Variants in HPSE observed in about 807,000 individuals in gnomAD.
HPSE encodes the protein heparanase, also known as endo-glucoronidase.
In HPSE, 48 loss-of-function variants were observed where a neutral mutation model predicts 65.1. The observed-to-expected ratio is 0.74, with a 90% CI of 0.58 to 0.94. The LOEUF (loss-of-function observed/expected upper bound fraction) is 0.94, where lower values mean the gene tolerates loss of function less well. HPSE is among the 40% of genes least tolerant of loss of function. HPSE has a pLI of 0.00. For synonymous variants in HPSE, 243 were observed against 260.0 expected (o/e 0.93, Z 0.63); for missense variants, 644 against 637.5 (o/e 1.01, Z -0.11).
Position 83,292,659 on chromosome 4 carries a change from T to C in HPSE, c.*2685A>G, listed in dbSNP as rs1267566449. On this transcript the variant is annotated 3_prime_UTR_variant, in exon 12 of 12. Transcript: ENST00000311412. The stretch of plus-strand genomic sequence containing the variant: ...GTGGATAAAGAAAATGTGGTATATA[T>C]GTACCATGGACTATTACTCAGCCAT... 1.3e-5 allele frequency: 2 copies of C among 152,224 alleles called. No homozygotes were observed. The highest frequency in any genetic ancestry group is 1.9e-4 in the East Asian group (1 of 5,204). 9.4% of individuals were successfully genotyped at this position (152,224 alleles called of 1,614,324 possible). A position where few individuals can be genotyped will look rare whatever the true frequency, so the allele number is the denominator to read the frequency against.
intron 9 of HPSE, among the ~76,000 whole-genome samples, chr4:83,304,151 G>A (rs1736065259): frequency 6.6e-6 from 1 of 152,138 alleles, no homozygotes; most frequent in African/African-American, 2.4e-5. Flanking sequence ...CAAGAGACAT[G>A]ACAAAGGAAA....
chr4:83,298,824 G>A (rs759849705), intron 11 of HPSE, among the ~76,000 whole-genome samples: 5 of 152,036 alleles, frequency 3.3e-5, no homozygotes, highest in African/African-American at 4.8e-5. Context: ...TGAGACCCCC[G>A]CCTCAAAAAT....
At chr4:83,309,256 G>T in intron 7 of HPSE, 146 bp downstream of exon 7, 1 of 613,078 alleles carries the variant, frequency 1.6e-6, no homozygotes, top group South Asian at 2.2e-5. Context: ...CAATGCTAAG[G>T]GGAAAACTAA....
chr4:83,302,326 T>C lies in HPSE; in HGVS notation c.1207-58A>G, dbSNP rs952978132. ...AATAGATGTTTACTTATGTCCTTAT[T>C]TAATGAAACCAGTGGCAAGCAAATA... On this transcript the variant is annotated intron_variant, in intron 9 of 11. Coordinates refer to ENST00000311412, the MANE Select transcript of HPSE (RefSeq NM_001098540.3). 6 of 1,071,712 alleles carry C rather than the reference T, an allele frequency of 5.6e-6. No individual in the cohort carries two copies. The Admixed American group carries it at 1.1e-4, about 19-fold the overall frequency. The allele number at this position is 1,071,712 out of a possible 1,614,324, so 66.4% of individuals were successfully genotyped here. A position where few individuals can be genotyped will look rare whatever the true frequency, so the allele number is the denominator to read the frequency against.
At chr4:83,302,565 A>C (rs1235066470) in intron 9 of HPSE, among the ~76,000 whole-genome samples, 1 of 152,226 alleles carries the variant, frequency 6.6e-6, no homozygotes, top group African/African-American at 2.4e-5. Context: ...GTTATCGTTC[A>C]TCCAAGAATT....
chr4:83,321,466 AT>A (rs1304595868), intron 2 of HPSE, among the ~76,000 whole-genome samples: 1 of 152,066 alleles, frequency 6.6e-6, no homozygotes, highest in Non-Finnish European at 1.5e-5. Flanking sequence ...TATTTTCAGT[AT>A]TTTTTTCTCT....
At chr4:83,299,364 A>AG (rs1560503329) in intron 11 of HPSE, among the ~76,000 whole-genome samples, 97 of 2,690 alleles carry the variant, frequency 0.036, 18 homozygotes, top group Non-Finnish European at 0.14. Context: ...ACTCTGTCTC[A>AG]AAAAAAAAAA....
intron 10 of HPSE, 80 bp from the exon 11 acceptor site, chr4:83,301,186 AG>A: frequency 5.8e-6 from 5 of 864,462 alleles, no homozygotes; most frequent in Non-Finnish European, 8.8e-6. Context: ...TGTGATCCTA[AG>A]TATTAGTATC....
chr4:83,306,357 A>G, intron 8 of HPSE, 40 bp from the exon 9 acceptor site: 3 of 1,022,834 alleles, frequency 2.9e-6, no homozygotes, highest in Non-Finnish European at 4.6e-6. Context: ...AGGTTTGGAA[A>G]CAAAATCGCT....
chr4:83,319,527 G>A (rs12501124), intron 2 of HPSE, 58 bp from the exon 3 acceptor site: 7 of 1,542,364 alleles, frequency 4.5e-6, no homozygotes, highest in East Asian at 4.5e-5. Context: ...GACTGAAATC[G>A]CATATATTTA....
intron 3 of HPSE, among the ~76,000 whole-genome samples, chr4:83,318,352 T>C (rs1023369739): frequency 4.0e-5 from 6 of 151,448 alleles, no homozygotes; most frequent in African/African-American, 1.5e-4. Context: ...TGGCCAGGAG[T>C]GGTGGCTCAC....
chr4:83,300,369 G>A (rs1015600132), intron 11 of HPSE, among the ~76,000 whole-genome samples: 1 of 152,218 alleles, frequency 6.6e-6, no homozygotes, highest in African/African-American at 2.4e-5. Flanking sequence ...GTGTTACCAA[G>A]AATTATGTCT....
intron 1 of HPSE, among the ~76,000 whole-genome samples, chr4:83,330,185 T>C (rs1158736644): frequency 6.6e-6 from 1 of 152,182 alleles, no homozygotes; most frequent in African/African-American, 2.4e-5. Context: ...GAAGCCAGAC[T>C]GGAGAACAGG....
intron 11 of HPSE, among the ~76,000 whole-genome samples, chr4:83,297,120 G>A (rs564562915): frequency 2.0e-5 from 3 of 152,140 alleles, no homozygotes; most frequent in Admixed American, 6.5e-5. Context: ...ATGATAGCTT[G>A]CCATTGTGTT....
Position 83,334,823 on chromosome 4 carries a change from A to G in HPSE, c.-41T>C. 2 of 1,478,752 alleles carry G rather than the reference A, an allele frequency of 1.4e-6. No homozygotes were observed. Among genetic ancestry groups the G allele is most frequent in the Non-Finnish European group, 1.8e-6 (2 of 1,116,592 alleles). The allele number at this position is 1,478,752 out of a possible 1,614,324, so 91.6% of individuals were successfully genotyped here. A position where few individuals can be genotyped will look rare whatever the true frequency, so the allele number is the denominator to read the frequency against. On this transcript the variant is annotated 5_prime_UTR_variant, in exon 1 of 12. Transcript: ENST00000311412. ...CTGCTCCCCCCGCCAGCTGCCGCGC[A>G]GCGGAGAGTCGAGAGCTCTAGCACT...
In HPSE at chr4:83,292,953, C is replaced by T. The variant is rs1448861490; in HGVS notation, c.*2391G>A. On this transcript the variant is annotated 3_prime_UTR_variant, in exon 12 of 12. Transcript: ENST00000311412. ...ACAAGTACATTAAAAGCCGAGTCTT[C>T]ACCACTACACAATTCACCCCTGTAA... 6.6e-6 allele frequency: 1 copy of T among 152,200 alleles called. No individual in the cohort carries two copies. The highest frequency in any genetic ancestry group is 1.5e-5 in the Non-Finnish European group (1 of 68,028). The allele number at this position is 152,200 out of a possible 1,614,324, so 9.4% of individuals were successfully genotyped here. A position where few individuals can be genotyped will look rare whatever the true frequency, so the allele number is the denominator to read the frequency against.
intron 9 of HPSE, among the ~76,000 whole-genome samples, chr4:83,304,856 G>A (rs990298570): frequency 6.6e-6 from 1 of 152,116 alleles, no homozygotes; most frequent in Non-Finnish European, 1.5e-5. Context: ...ATGACTGGTA[G>A]GGTAGAAAGT....
chr4:83,314,567 T>C (rs1417468874), intron 3 of HPSE, among the ~76,000 whole-genome samples: 1 of 152,238 alleles, frequency 6.6e-6, no homozygotes, highest in African/African-American at 2.4e-5. Flanking sequence ...GGAACTTCTG[T>C]ACTCTGCTTT....
intron 3 of HPSE, among the ~76,000 whole-genome samples, chr4:83,318,546 G>A (rs1031616352): frequency 2.0e-5 from 3 of 151,934 alleles, no homozygotes; most frequent in Non-Finnish European, 4.4e-5. Context: ...TAATATGATC[G>A]GGGGTAATAC....
Sources: gnomAD v4.1 joint callset for allele counts (sites outside exome capture counted in the v4.1 genomes callset) on GRCh38, gnomAD v4.1.1 for gene constraint, MANE v1.5 for transcripts, NCBI Gene and HGNC (gene_info 2026-07-23, HGNC 2026-07-21) for gene names.